AGAP1: variants seen among roughly 807,000 people sequenced by gnomAD.
AGAP1 encodes the protein ArfGAP with GTPase domain, ankyrin repeat and PH domain 1.
A neutral mutation model predicts 105.3 loss-of-function variants in AGAP1; 29 were observed. That is an observed-to-expected ratio of 0.28 (90% CI 0.21 to 0.38). The LOEUF is 0.38. AGAP1 is among the 10% of genes least tolerant of loss of function. The probability of loss-of-function intolerance (pLI) is 1.00; values close to 1 mark genes in which losing one functional copy is unlikely to be tolerated. For missense variants in AGAP1, 998 were observed against 1,165.1 expected (o/e 0.86, Z 2.09); for synonymous variants, 509 against 485.9 (o/e 1.05, Z -0.63).
intron 1 of AGAP1, among the ~76,000 whole-genome samples, chr2:235,565,531 C>A (rs549707735): frequency 2.6e-5 from 4 of 152,204 alleles, no homozygotes; most frequent in African/African-American, 9.6e-5. Flanking sequence ...AGGAACTAAC[C>A]AGGGATTCCT....
rs1406325475 is a variant in AGAP1, at chr2:235,906,050, G to T, written c.1156-2688G>T. On this transcript the variant is annotated intron_variant, in intron 10 of 17. Coordinates refer to ENST00000304032, the MANE Select transcript of AGAP1 (RefSeq NM_001037131.3). The surrounding 1 kb of genome is among the most constrained non-coding windows in gnomAD (Gnocchi z 5.3). ...TTCCCAGCCCAGATACCACCCTCCC[G>T]TTACCCGAACCCACCATGACAGCTT... Among the ~76,000 whole-genome samples, 1 of 152,094 alleles carries T rather than the reference G, an allele frequency of 6.6e-6. No individual in the cohort carries two copies. The highest frequency in any genetic ancestry group is 2.4e-5 in the African/African-American group (1 of 41,424).
At chr2:235,821,794 T>C (rs1393158515) in intron 9 of AGAP1, among the ~76,000 whole-genome samples, 1 of 152,218 alleles carries the variant, frequency 6.6e-6, no homozygotes, top group Non-Finnish European at 1.5e-5. Flanking sequence ...TCCTTTCACT[T>C]AATTGCTTTA....
At chr2:235,780,377 A>G (rs994464281) in intron 6 of AGAP1, among the ~76,000 whole-genome samples, 1 of 152,154 alleles carries the variant, frequency 6.6e-6, no homozygotes, top group Admixed American at 6.5e-5. Context: ...TAATAAAGAC[A>G]GGTCATTACC....
chr2:235,494,976 G>A, intron 1 of AGAP1, 127 bp downstream of exon 1: 1 of 858,814 alleles, frequency 1.2e-6, no homozygotes, highest in Non-Finnish European at 1.6e-6. Context: ...CGCCGAGGGA[G>A]CACTGCGGCG....
chr2:235,500,138 G>T (rs1411440032), intron 1 of AGAP1, among the ~76,000 whole-genome samples: 1 of 152,122 alleles, frequency 6.6e-6, no homozygotes, highest in South Asian at 2.1e-4. Context: ...CTAAATCTTG[G>T]CAGCTTTTTC....
chr2:235,586,094 G>A lies in AGAP1; in HGVS notation c.163+91245G>A, dbSNP rs1945100793. Among the ~76,000 whole-genome samples the A allele has an allele frequency of 6.6e-6, 1 of 152,126 alleles. No homozygotes were observed. The highest frequency in any genetic ancestry group is 2.1e-4 in the South Asian group (1 of 4,808). ...ATGAGCGAGTCAAATGCAAGTTGGG[G>A]AAGTGGCTGAAAAAAATGCCTCCTG... On this transcript the variant is annotated intron_variant, in intron 1 of 17. Coordinates refer to ENST00000304032, the MANE Select transcript of AGAP1 (RefSeq NM_001037131.3). This position sits in a 1 kb window ranked among gnomAD's most constrained non-coding sequence, Gnocchi z 4.2.
At chr2:235,829,058 T>TTGGGCTAC (rs138725376) in intron 9 of AGAP1, among the ~76,000 whole-genome samples, 1,984 of 152,322 alleles carry the variant, frequency 0.013, 39 homozygotes, top group South Asian at 0.084. Flanking sequence ...CTTTCAACAT[T>TTGGGCTAC]TGGGCTACTG....
intron 6 of AGAP1, among the ~76,000 whole-genome samples, chr2:235,784,459 G>A (rs1956483166): frequency 6.6e-6 from 1 of 152,060 alleles, no homozygotes; most frequent in African/African-American, 2.4e-5. Flanking sequence ...AACATTATTA[G>A]TCACAAATGT....
chr2:235,892,848 T>C (rs1030937270), intron 10 of AGAP1, among the ~76,000 whole-genome samples: 1 of 152,168 alleles, frequency 6.6e-6, no homozygotes, highest in African/African-American at 2.4e-5. Context: ...ACAGTCAGAA[T>C]AACTCCTGTG....
In AGAP1 at chr2:235,559,824, CTG is replaced by C. The variant is rs1251902928; in HGVS notation, c.163+64977_163+64978del. The stretch of plus-strand genomic sequence containing the variant: ...AGAAATACCTATTCAAATCTTTTGA[CTG>C]TTTTTAAATTGAGTCTTTTTATTGT... On this transcript the variant is annotated intron_variant, in intron 1 of 17. Coordinates refer to ENST00000304032, the MANE Select transcript of AGAP1 (RefSeq NM_001037131.3). This position sits in a 1 kb window ranked among gnomAD's most constrained non-coding sequence, Gnocchi z 5.7. Among the ~76,000 whole-genome samples the C allele has an allele frequency of 1.3e-5, 2 of 151,032 alleles. No individual in the cohort carries two copies. Among genetic ancestry groups the C allele is most frequent in the African/African-American group, 2.4e-5 (1 of 41,006 alleles).
chr2:235,565,050 C>T (rs1343774045), intron 1 of AGAP1, among the ~76,000 whole-genome samples: 1 of 143,476 alleles, frequency 7.0e-6, no homozygotes, highest in African/African-American at 2.7e-5. Flanking sequence ...TGGACCACCA[C>T]CCAGGGCCAG....
intron 1 of AGAP1, chr2:235,670,067 C>G: frequency 2.5e-6 from 1 of 407,694 alleles, no homozygotes; most frequent in Admixed American, 4.6e-5. Flanking sequence ...CGCGGGCTCG[C>G]TGGATGCGGC....
rs886649553 is a variant in AGAP1, at chr2:235,610,824, G to A, written c.164-98355G>A. Among the ~76,000 whole-genome samples the A allele has an allele frequency of 3.9e-5, 6 of 152,010 alleles. No individual in the cohort carries two copies. Among genetic ancestry groups the A allele is most frequent in the Admixed American group, 1.3e-4 (2 of 15,260 alleles). On this transcript the variant is annotated intron_variant, in intron 1 of 17. Transcript: ENST00000304032. The surrounding 1 kb of genome is among the most constrained non-coding windows in gnomAD (Gnocchi z 4.9). ...GCTCTGGTTCAGAAAACTCTTGCAG[G>A]TCCTACTTCCTGCCTTGACACCACC...
rs770555911 is a variant in AGAP1, at chr2:235,930,728, G to GT, written c.1325-36dup. On this transcript the variant is annotated intron_variant, in intron 11 of 17. Coordinates refer to ENST00000304032, the MANE Select transcript of AGAP1 (RefSeq NM_001037131.3). The surrounding 1 kb of genome is among the most constrained non-coding windows in gnomAD (Gnocchi z 7.9). ...CTCGCGCTGGTTTCTGTGGTCTGCAGTCCGCGGTGGTGTTCACCTGACTTG... is the reference window on the plus strand; with the variant it reads ...CTCGCGCTGGTTTCTGTGGTCTGCAGTTCCGCGGTGGTGTTCACCTGACTTG... The GT allele has an allele frequency of 1.2e-6, 2 of 1,600,620 alleles. No individual in the cohort carries two copies. The highest frequency in any genetic ancestry group is 1.7e-6 in the Non-Finnish European group (2 of 1,173,584).
intron 12 of AGAP1, among the ~76,000 whole-genome samples, chr2:235,956,988 AT>A (rs965850004): frequency 1.3e-4 from 19 of 151,998 alleles, no homozygotes; most frequent in South Asian, 2.1e-4. Context: ...GACCTCTCCC[AT>A]TTTTTTTAAA....
rs1343159681 is a variant in AGAP1, at chr2:235,883,608, C to G, written c.1155+159C>G. On this transcript the variant is annotated intron_variant, in intron 10 of 17. Transcript: ENST00000304032. This position sits in a 1 kb window ranked among gnomAD's most constrained non-coding sequence, Gnocchi z 4.5. ...GTGAGATAAATAACCCTGTTCCTCA[C>G]ACTCCACTAGACCATATGTCTTTCT... Among the ~76,000 whole-genome samples, 1 of 152,188 alleles carries G rather than the reference C, an allele frequency of 6.6e-6. No individual in the cohort carries two copies. Among genetic ancestry groups the G allele is most frequent in the Non-Finnish European group, 1.5e-5 (1 of 68,042 alleles).
intron 1 of AGAP1, among the ~76,000 whole-genome samples, chr2:235,699,533 C>G (rs768208646): frequency 3.3e-5 from 5 of 152,160 alleles, no homozygotes; most frequent in African/African-American, 1.2e-4. Flanking sequence ...CTTTGTAAAA[C>G]CCCTGGAGCA....
chr2:235,679,478 A>G (rs1268667523), intron 1 of AGAP1, among the ~76,000 whole-genome samples: 2 of 152,220 alleles, frequency 1.3e-5, no homozygotes, highest in African/African-American at 4.8e-5. Context: ...CAATTTAACT[A>G]CTTCCTTTAA....
chr2:235,696,549 AT>A (rs1950006244), intron 1 of AGAP1, among the ~76,000 whole-genome samples: 1 of 152,134 alleles, frequency 6.6e-6, no homozygotes, highest in Non-Finnish European at 1.5e-5. Context: ...GGGATGAGAG[AT>A]GGTCCGTGTG....
Sources: gnomAD v4.1 joint callset for allele counts (sites outside exome capture counted in the v4.1 genomes callset) on GRCh38, gnomAD v4.1.1 for gene constraint, Gnocchi (gnomAD v3.1) non-coding constraint, MANE v1.5 for transcripts, NCBI Gene and HGNC (gene_info 2026-07-23, HGNC 2026-07-21) for gene names.